CDHR3: variants seen among roughly 807,000 people sequenced by gnomAD.
CDHR3 encodes cadherin-related family member 3.
CDHR3 carries 79 observed loss-of-function variants against 86.6 expected under a neutral mutation model. The ratio of observed to expected loss-of-function variants is 0.91; its 90% CI spans 0.76 to 1.10. The LOEUF (loss-of-function observed/expected upper bound fraction) is 1.10. Among genes scored for constraint, CDHR3 ranks in the 50% least tolerant of loss-of-function variants. The probability of loss-of-function intolerance (pLI) is 0.00; values close to 1 mark genes in which losing one functional copy is unlikely to be tolerated. For missense variants in CDHR3, 1,081 were observed against 1,077.6 expected, an observed-to-expected ratio of 1.00 and a Z score of -0.04; for synonymous variants, 421 against 402.4, an observed-to-expected ratio of 1.05 and a Z score of -0.55.
intron 1 of CDHR3, among the ~76,000 whole-genome samples, chr7:105,966,925 T>C (rs1307647052): frequency 6.6e-6 from 1 of 151,212 alleles, no homozygotes; most frequent in Admixed American, 6.6e-5. Context: ...TTTTTGCCAT[T>C]GAAAGTAATG....
chr7:105,982,187 G>A (rs1201395465), intron 3 of CDHR3, among the ~76,000 whole-genome samples: 1 of 152,172 alleles, frequency 6.6e-6, no homozygotes, highest in Non-Finnish European at 1.5e-5. Context: ...ACCAATTAAA[G>A]GCCGGGCGCG....
At chr7:105,993,703 A>AAAG (rs1831740730) in intron 4 of CDHR3, among the ~76,000 whole-genome samples, 8 of 129,332 alleles carry the variant, frequency 6.2e-5, no homozygotes, top group South Asian at 5.3e-4. Context: ...AAAAAAAAAA[A>AAAG]AAGAAGAAGA....
chr7:105,989,557 G>A (rs1228805363), intron 4 of CDHR3, among the ~76,000 whole-genome samples: 1 of 152,062 alleles, frequency 6.6e-6, no homozygotes, highest in Non-Finnish European at 1.5e-5. Flanking sequence ...CGCAGCAGGG[G>A]CCATCCTTCT....
intron 1 of CDHR3, among the ~76,000 whole-genome samples, chr7:105,971,128 G>A (rs1827896805): frequency 7.9e-6 from 1 of 125,862 alleles, no homozygotes; most frequent in South Asian, 3.5e-4. Flanking sequence ...GAGACAGAGC[G>A]AGACTCCATT....
intron 8 of CDHR3, among the ~76,000 whole-genome samples, chr7:106,008,041 A>C (rs1025621674): frequency 6.6e-6 from 1 of 152,214 alleles, no homozygotes; most frequent in Non-Finnish European, 1.5e-5. Flanking sequence ...GAGCTTGTGC[A>C]GGGAAACTCC....
rs544667855 is a variant in CDHR3, at chr7:106,030,031, G to C, written c.2305-761G>C. On this transcript the variant is annotated intron_variant, in intron 17 of 18. Coordinates refer to ENST00000317716, the MANE Select transcript of CDHR3 (RefSeq NM_152750.5). The surrounding 1 kb of genome is among the most constrained non-coding windows in gnomAD (Gnocchi z 4.8). ...GAGTTGGGGAGTTGTGGGGAACTAG[G>C]TAGGGGATCCTTTAAGTGATAAAAA... 1.3e-5 allele frequency among the ~76,000 whole-genome samples: 2 copies of C among 152,188 alleles called. No homozygotes were observed. The highest frequency in any genetic ancestry group is 4.8e-5 in the African/African-American group (2 of 41,446).
At chr7:106,026,743 G>A (rs1400755177) in intron 16 of CDHR3, 48 bp downstream of exon 16, 2 of 1,602,408 alleles carry the variant, frequency 1.2e-6, no homozygotes, top group Non-Finnish European at 1.7e-6. Context: ...TGCTTGCTCT[G>A]TTGTGCTACG....
chr7:105,984,333 G>A (rs758687853), intron 4 of CDHR3, 44 bp downstream of exon 4: 1 of 1,491,692 alleles, frequency 6.7e-7, no homozygotes, highest in Non-Finnish European at 9.2e-7. Context: ...TCCGTGTTGG[G>A]TTAGACACAG....
At chr7:105,977,423 T>C (rs1349974965) in intron 2 of CDHR3, among the ~76,000 whole-genome samples, 1 of 152,212 alleles carries the variant, frequency 6.6e-6, no homozygotes, top group African/African-American at 2.4e-5. Context: ...TCCTAACCTC[T>C]AGAAATGGCA....
intron 1 of CDHR3, among the ~76,000 whole-genome samples, chr7:105,970,817 G>A (rs546402024): frequency 1.3e-5 from 2 of 152,238 alleles, no homozygotes; most frequent in South Asian, 4.1e-4. Flanking sequence ...TAGCAATAGA[G>A]CTGGAGAAAC....
intron 3 of CDHR3, among the ~76,000 whole-genome samples, chr7:105,983,280 G>C (rs996372464): frequency 6.6e-6 from 1 of 152,178 alleles, no homozygotes; most frequent in Non-Finnish European, 1.5e-5. Context: ...CGAAGCATGA[G>C]AGTGATAAAA....
At chr7:106,017,076 AATC>A (rs1429352985) in intron 11 of CDHR3, among the ~76,000 whole-genome samples, 4 of 152,258 alleles carry the variant, frequency 2.6e-5, no homozygotes, top group African/African-American at 7.2e-5. Flanking sequence ...TATAATCTGT[AATC>A]ATCAATTACT....
intron 4 of CDHR3, among the ~76,000 whole-genome samples, chr7:105,988,834 T>G (rs1161270032): frequency 6.6e-6 from 1 of 152,252 alleles, no homozygotes; most frequent in East Asian, 1.9e-4. Context: ...TTAATTTTAA[T>G]AGCTTATTTA....
At chr7:106,026,720 G>T (rs1162697405) in intron 16 of CDHR3, 25 bp downstream of exon 16, 2 of 1,613,482 alleles carry the variant, frequency 1.2e-6, no homozygotes, top group Admixed American at 3.3e-5. Context: ...TGTTTCCCTT[G>T]TCTGTTGTTT....
chr7:105,972,636 GA>G (rs1378408792), intron 1 of CDHR3, among the ~76,000 whole-genome samples: 9 of 152,250 alleles, frequency 5.9e-5, no homozygotes, highest in Non-Finnish European at 1.3e-4. Context: ...TGCTCATTTT[GA>G]AAAACTGTTT....
chr7:106,007,436 T>C (rs1191065591), intron 8 of CDHR3, among the ~76,000 whole-genome samples: 3 of 152,274 alleles, frequency 2.0e-5, no homozygotes, highest in African/African-American at 7.2e-5. Flanking sequence ...CTCATAAAAC[T>C]GAATGCCTTT....
At chr7:106,008,163 G>A (rs1778828591) in intron 8 of CDHR3, among the ~76,000 whole-genome samples, 2 of 152,148 alleles carry the variant, frequency 1.3e-5, no homozygotes, top group African/African-American at 4.8e-5. Context: ...CTCACAACAT[G>A]TGGGAGTTCA....
intron 18 of CDHR3, among the ~76,000 whole-genome samples, chr7:106,031,897 C>G (rs1838431812): frequency 6.6e-6 from 1 of 152,012 alleles, no homozygotes; most frequent in Admixed American, 6.6e-5. Context: ...TCAAGCGGGA[C>G]CAGATTTTTG....
At chr7:105,979,404 C>A (rs1338002144) in intron 2 of CDHR3, among the ~76,000 whole-genome samples, 1 of 152,168 alleles carries the variant, frequency 6.6e-6, no homozygotes, top group Non-Finnish European at 1.5e-5. Flanking sequence ...CATACCCTCT[C>A]CTTTCACCAC....
Sources: gnomAD v4.1 joint callset for allele counts (sites outside exome capture counted in the v4.1 genomes callset) on GRCh38, gnomAD v4.1.1 for gene constraint, Gnocchi (gnomAD v3.1) non-coding constraint, MANE v1.5 for transcripts, NCBI Gene and HGNC (gene_info 2026-07-23, HGNC 2026-07-21) for gene names.